GRIP1: variants seen among roughly 807,000 people sequenced by gnomAD.
GRIP1 encodes glutamate receptor-interacting protein 1.
A neutral mutation model predicts 129.9 loss-of-function variants in GRIP1; 45 were observed. The ratio of observed to expected loss-of-function variants is 0.35; its 90% CI spans 0.27 to 0.44. GRIP1 has a LOEUF of 0.44. Among genes scored for constraint, GRIP1 ranks in the 20% least tolerant of loss-of-function variants. GRIP1 has a pLI of 1.00. For missense variants in GRIP1, 1,196 were observed against 1,396.8 expected (o/e 0.86, Z 2.29); for synonymous variants, 530 against 520.8 (o/e 1.02, Z -0.24).
At chr12:66,806,067 A>G (rs570459512), upstream of GRIP1, among the ~76,000 whole-genome samples, 1 of 151,768 alleles carries the variant, frequency 6.6e-6, no homozygotes, top group East Asian at 1.9e-4. Context: ...TGAATGAGAA[A>G]TTTGAAGATC....
In GRIP1 at chr12:67,050,362, G is replaced by C. The variant is rs191078636; in HGVS notation, c.58+18688C>G. 4.2e-3 allele frequency among the ~76,000 whole-genome samples: 635 copies of C among 152,214 alleles called. 1 individual carries two copies. Among genetic ancestry groups the C allele is most frequent in the African/African-American group, 0.014 (596 of 41,570 alleles). On this transcript the variant is annotated intron_variant, in intron 1 of 1. Transcript: ENST00000643019. ...TGAAGAAAAACAAAATAATTAGATT[G>C]ATATAGGACCAGCTTTATAAAAGGT...
intron 1 of GRIP1, among the ~76,000 whole-genome samples, chr12:66,919,780 T>A (rs952284683): frequency 2.0e-5 from 3 of 152,046 alleles, no homozygotes; most frequent in African/African-American, 7.2e-5. Flanking sequence ...TTCACTAAAG[T>A]AGGATAAAGC....
intron 1 of GRIP1, among the ~76,000 whole-genome samples, chr12:67,048,122 G>A: frequency 6.6e-6 from 1 of 150,564 alleles, no homozygotes; most frequent in Admixed American, 6.6e-5. Flanking sequence ...TCTATTCCCT[G>A]CATGAGCTTC....
At position 66,347,922 on chromosome 12, in the gene GRIP1, A is replaced by ATAAT. The variant is rs2054049158; in HGVS notation, c.*1093_*1096dup. 1 of 152,200 alleles carries ATAAT rather than the reference A, an allele frequency of 6.6e-6. No homozygotes were observed. The highest frequency in any genetic ancestry group is 1.5e-5 in the Non-Finnish European group (1 of 68,042). The allele number at this position is 152,200 out of a possible 1,614,324, so 9.4% of individuals were successfully genotyped here. On this transcript the variant is annotated 3_prime_UTR_variant, in exon 25 of 25. Transcript: ENST00000359742. ...CTATTTATTTTTTTATGTTCACCAA[A>ATAAT]TAATAACAGTTATTAGTGTAGCTAT...
intron 1 of GRIP1, among the ~76,000 whole-genome samples, chr12:66,675,899 C>T (rs1317887200): frequency 6.6e-6 from 1 of 152,036 alleles, no homozygotes; most frequent in East Asian, 1.9e-4. Context: ...TTGGTAGGTA[C>T]CTGATAAGGC....
At chr12:66,531,302 T>TATAC (rs1565833961) in intron 4 of GRIP1, among the ~76,000 whole-genome samples, 10 of 98,172 alleles carry the variant, frequency 1.0e-4, no homozygotes, top group Non-Finnish European at 1.7e-4. Flanking sequence ...TATATATATA[T>TATAC]ACACACACAC....
intron 1 of GRIP1, among the ~76,000 whole-genome samples, chr12:66,920,985 C>T (rs1480003468): frequency 1.3e-5 from 2 of 152,182 alleles, no homozygotes; most frequent in African/African-American, 4.8e-5. Flanking sequence ...CATGGCACAA[C>T]CCAGCCTCTG....
At chr12:66,980,460 AAT>A (rs1220080343) in intron 1 of GRIP1, among the ~76,000 whole-genome samples, 2 of 152,026 alleles carry the variant, frequency 1.3e-5, no homozygotes, top group African/African-American at 4.8e-5. Flanking sequence ...AAAATACAAA[AAT>A]TAGCTGGGCG....
chr12:66,657,686 A>C (rs1438326339), intron 1 of GRIP1, among the ~76,000 whole-genome samples: 1 of 152,230 alleles, frequency 6.6e-6, no homozygotes, highest in Non-Finnish European at 1.5e-5. Flanking sequence ...GTTTGTATGA[A>C]TTCAGACACT....
intron 1 of GRIP1, among the ~76,000 whole-genome samples, chr12:66,762,973 G>A (rs1318175100): frequency 6.6e-6 from 1 of 152,150 alleles, no homozygotes; most frequent in African/African-American, 2.4e-5. Context: ...GTACAGAGCA[G>A]TCACTGATCA....
intron 14 of GRIP1, among the ~76,000 whole-genome samples, chr12:66,428,579 T>C (rs1051681979): frequency 2.0e-5 from 3 of 152,132 alleles, no homozygotes; most frequent in Non-Finnish European, 4.4e-5. Flanking sequence ...ATGAGTGGTG[T>C]GGTGAAAATA....
At chr12:66,468,132 G>T (rs2059337744) in intron 7 of GRIP1, among the ~76,000 whole-genome samples, 1 of 152,178 alleles carries the variant, frequency 6.6e-6, no homozygotes, top group Non-Finnish European at 1.5e-5. Flanking sequence ...TTGCAGCAAG[G>T]TGTAGCCATA....
At chr12:66,551,281 C>T (rs1258981470) in intron 2 of GRIP1, among the ~76,000 whole-genome samples, 1 of 152,194 alleles carries the variant, frequency 6.6e-6, no homozygotes, top group Non-Finnish European at 1.5e-5. Flanking sequence ...AGACAAACAT[C>T]TAATAATTGC....
rs146065798 is a variant in GRIP1, at chr12:66,518,261, G to A, written c.503-285C>T. On this transcript the variant is annotated intron_variant, in intron 5 of 24. Transcript: ENST00000359742. ...CAAGAGAATCAACCGATTATATCAA[G>A]TACTGGCCCGATTTGAACAGCTGTC... 4.6e-5 allele frequency among the ~76,000 whole-genome samples: 7 copies of A among 152,230 alleles called. No individual in the cohort carries two copies. The East Asian group carries it at 1.2e-3, about 25-fold the overall frequency.
At chr12:67,067,985 G>A (rs951639349) in intron 1 of GRIP1, among the ~76,000 whole-genome samples, 1 of 152,180 alleles carries the variant, frequency 6.6e-6, no homozygotes, top group Non-Finnish European at 1.5e-5. Flanking sequence ...CTCGAAGACA[G>A]GACAGGACAG....
chr12:66,577,392 A>G (rs1309974081), intron 2 of GRIP1, among the ~76,000 whole-genome samples: 1 of 152,264 alleles, frequency 6.6e-6, no homozygotes, highest in African/African-American at 2.4e-5. Flanking sequence ...TGGAGTTTCC[A>G]ATAGTGAAAG....
intron 7 of GRIP1, among the ~76,000 whole-genome samples, chr12:66,467,881 G>T (rs183958939): frequency 6.6e-6 from 1 of 152,302 alleles, no homozygotes; most frequent in East Asian, 1.9e-4. Flanking sequence ...AGGTATGTTT[G>T]TGGGGTGACA....
At chr12:67,012,426 GACAA>G (rs1162807951) in intron 1 of GRIP1, among the ~76,000 whole-genome samples, 1 of 152,052 alleles carries the variant, frequency 6.6e-6, no homozygotes, top group Admixed American at 6.6e-5. Flanking sequence ...AGTGTTCTAG[GACAA>G]ACTTTTGCAT....
intron 2 of GRIP1, among the ~76,000 whole-genome samples, chr12:66,577,281 A>G (rs2063171076): frequency 6.6e-6 from 1 of 151,984 alleles, no homozygotes; most frequent in African/African-American, 2.4e-5. Context: ...TCAGTCCATC[A>G]GGGTAAGGAA....
Sources: gnomAD v4.1 joint callset for allele counts (sites outside exome capture counted in the v4.1 genomes callset) on GRCh38, gnomAD v4.1.1 for gene constraint, MANE v1.5 for transcripts, NCBI Gene and HGNC (gene_info 2026-07-23, HGNC 2026-07-21) for gene names.